Variants in BLOC1S3 observed in about 807,000 individuals in gnomAD.
BLOC1S3 encodes the protein biogenesis of lysosome-related organelles complex 1 subunit 3.
Under a neutral mutation model 9.1 loss-of-function variants are expected in BLOC1S3, and 7 were observed. The observed-to-expected ratio is 0.77, with a 90% CI of 0.44 to 1.45. BLOC1S3 has a LOEUF of 1.45. BLOC1S3 is among the 40% of genes most tolerant of loss of function. BLOC1S3 has a pLI of 0.01. For missense variants in BLOC1S3, 307 were observed against 315.2 expected (o/e 0.97, Z 0.20); for synonymous variants, 145 against 158.4 (o/e 0.92, Z 0.64).
intron 3 of BLOC1S3, among the ~76,000 whole-genome samples, chr19:45,208,716 T>C (rs1238862691): frequency 1.3e-5 from 2 of 151,314 alleles, no homozygotes; most frequent in South Asian, 2.1e-4. Context: ...GGCTGTGCCA[T>C]TGCACTCCAG....
chr19:45,211,917 C>CCGTGGGGACTAGGATCCGG (rs1453383092), intron 3 of BLOC1S3, among the ~76,000 whole-genome samples: 1 of 152,138 alleles, frequency 6.6e-6, no homozygotes, highest in African/African-American at 2.4e-5. Context: ...CTCAAGGTCT[C>CCGTGGGGACTAGGATCCGG]CGTGGGGACT....
At chr19:45,215,741 G>T (rs1008549999) in intron 3 of BLOC1S3, among the ~76,000 whole-genome samples, 1 of 152,128 alleles carries the variant, frequency 6.6e-6, no homozygotes, top group Non-Finnish European at 1.5e-5. Flanking sequence ...GTGCGTGTGC[G>T]CCCGTGTGCC....
intron 3 of BLOC1S3, among the ~76,000 whole-genome samples, chr19:45,207,987 T>A (rs1969740474): frequency 6.6e-6 from 1 of 151,866 alleles, no homozygotes; most frequent in Admixed American, 6.6e-5. Flanking sequence ...CTTTTTTTTT[T>A]TTTTTGAGAT....
Position 45,180,150 on chromosome 19 carries a change from T to G in BLOC1S3, c.*245T>G. 2.3e-6 allele frequency: 1 copy of G among 441,440 alleles called. No homozygotes were observed. The highest frequency in any genetic ancestry group is 4.1e-6 in the Non-Finnish European group (1 of 243,804). 27.3% of individuals were successfully genotyped at this position (441,440 alleles called of 1,614,324 possible). ...CTCTCCCGATCCTGACCCTGCCGCC[T>G]GGTTCTGAGCCTTCCCCTGGGGCTT... On this transcript the variant is annotated 3_prime_UTR_variant, in exon 2 of 2. Coordinates refer to ENST00000433642, the MANE Select transcript of BLOC1S3 (RefSeq NM_212550.5).
chr19:45,194,094 C>T (rs376838688), intron 2 of BLOC1S3, among the ~76,000 whole-genome samples: 4 of 118,182 alleles, frequency 3.4e-5, no homozygotes, highest in East Asian at 2.6e-4. Flanking sequence ...TGAGCCACCG[C>T]GCCTGGCCTT....
chr19:45,207,142 A>AT (rs1364807314), intron 3 of BLOC1S3, among the ~76,000 whole-genome samples: 2 of 136,678 alleles, frequency 1.5e-5, no homozygotes, highest in Non-Finnish European at 3.2e-5. Context: ...CAGCTATTTT[A>AT]TTTTTTTTGA....
At position 45,180,140 on chromosome 19, in the gene BLOC1S3, CCCTGCCG is replaced by C. The variant is rs1969496885; in HGVS notation, c.*240_*246del. On this transcript the variant is annotated 3_prime_UTR_variant, in exon 2 of 2. Transcript: ENST00000433642. ...GATCTGGTTCCTCTCCCGATCCTGA[CCCTGCCG>C]CCTGGTTCTGAGCCTTCCCCTGGGG... 6.5e-6 allele frequency: 3 copies of C among 462,274 alleles called. No homozygotes were observed. The highest frequency in any genetic ancestry group is 1.2e-5 in the Non-Finnish European group (3 of 257,924). 28.6% of individuals were successfully genotyped at this position (462,274 alleles called of 1,614,324 possible). A position where few individuals can be genotyped will look rare whatever the true frequency, so the allele number is the denominator to read the frequency against.
intron 3 of BLOC1S3, among the ~76,000 whole-genome samples, chr19:45,212,232 T>C (rs11083766): frequency 0.26 from 40,020 of 151,942 alleles, 6,408 homozygotes; most frequent in Middle Eastern, 0.48. Flanking sequence ...TCCCAGCACA[T>C]GCAGCCTCCC....
intron 3 of BLOC1S3, among the ~76,000 whole-genome samples, chr19:45,207,002 C>A (rs1206727066): frequency 1.3e-5 from 2 of 151,906 alleles, no homozygotes; most frequent in African/African-American, 4.8e-5. Flanking sequence ...CCACCATGCC[C>A]AGCTAATTTG....
intron 2 of BLOC1S3, among the ~76,000 whole-genome samples, chr19:45,192,708 G>A (rs1025599159): frequency 5.3e-5 from 8 of 152,134 alleles, no homozygotes; most frequent in South Asian, 4.1e-4. Context: ...TCTAGAAATC[G>A]CCTTGAAGCT....
chr19:45,182,699 A>G (rs546846531), downstream of BLOC1S3, among the ~76,000 whole-genome samples: 37 of 152,286 alleles, frequency 2.4e-4, no homozygotes, highest in South Asian at 7.5e-3. Flanking sequence ...AAAAAATAAA[A>G]TAGAGACGAG....
At chr19:45,201,677 A>C (rs1269519413) in intron 2 of BLOC1S3, among the ~76,000 whole-genome samples, 1 of 152,126 alleles carries the variant, frequency 6.6e-6, no homozygotes, top group African/African-American at 2.4e-5. Context: ...CTGAGCTGGC[A>C]CCCAAGCCAC....
intron 2 of BLOC1S3, among the ~76,000 whole-genome samples, chr19:45,191,418 G>A (rs1185081925): frequency 6.6e-6 from 1 of 152,190 alleles, no homozygotes; most frequent in Non-Finnish European, 1.5e-5. Flanking sequence ...ACTGTGCCCG[G>A]CCGGCTTTAT....
At chr19:45,199,747 C>CCTCCT (rs921301210) in intron 2 of BLOC1S3, among the ~76,000 whole-genome samples, 1 of 151,368 alleles carries the variant, frequency 6.6e-6, no homozygotes, top group Non-Finnish European at 1.5e-5. Flanking sequence ...CTTCTCTTCT[C>CCTCCT]CTCCTCTCCT....
intron 3 of BLOC1S3, among the ~76,000 whole-genome samples, chr19:45,214,245 A>G (rs1159052581): frequency 6.6e-6 from 1 of 152,030 alleles, no homozygotes; most frequent in Non-Finnish European, 1.5e-5. Context: ...CAATTCCAGG[A>G]CCCCCACCCT....
chr19:45,216,572 C>G (rs924107090), intron 3 of BLOC1S3: 2 of 155,716 alleles, frequency 1.3e-5, no homozygotes, highest in African/African-American at 4.8e-5. Context: ...GAGCGAGACT[C>G]TGTCTCAAAA....
intron 2 of BLOC1S3, among the ~76,000 whole-genome samples, chr19:45,198,280 G>A (rs1969664091): frequency 6.6e-6 from 1 of 151,882 alleles, no homozygotes; most frequent in South Asian, 2.1e-4. Flanking sequence ...ATGGGGAAGG[G>A]GTTTTTTTGT....
At chr19:45,190,014 T>G (rs1969593315) in intron 2 of BLOC1S3, among the ~76,000 whole-genome samples, 1 of 152,042 alleles carries the variant, frequency 6.6e-6, no homozygotes, top group Admixed American at 6.6e-5. Flanking sequence ...TTATTTCTTT[T>G]TTTTTCTTTT....
intron 2 of BLOC1S3, among the ~76,000 whole-genome samples, chr19:45,189,507 A>G (rs1221746135): frequency 2.0e-5 from 3 of 147,932 alleles, no homozygotes; most frequent in Non-Finnish European, 3.0e-5. Context: ...ATCTCACCTC[A>G]CCACAACCTC....
Sources: allele counts gnomAD v4.1 joint callset (sites outside exome capture counted in the v4.1 genomes callset), GRCh38; gene constraint gnomAD v4.1.1; transcripts MANE v1.5; gene names NCBI Gene and HGNC (gene_info 2026-07-23, HGNC 2026-07-21).